ADAMTSL1: variants seen among roughly 807,000 people sequenced by gnomAD.
ADAMTSL1 encodes the protein ADAMTS like 1.
A neutral mutation model predicts 201.8 loss-of-function variants in ADAMTSL1; 126 were observed. That is an observed-to-expected ratio of 0.62 (90% confidence interval 0.54 to 0.72). The LOEUF (loss-of-function observed/expected upper bound fraction) is 0.72. Ranked by LOEUF, ADAMTSL1 falls within the 30% of genes least tolerant of loss-of-function variation. The pLI is 0.00. For synonymous variants in ADAMTSL1, 1,121 were observed against 903.4 expected (o/e 1.24, Z -4.32); for missense variants, 2,679 against 2,277.8 (o/e 1.18, Z -3.59).
In ADAMTSL1 at chr9:18,777,356, G is replaced by C. The variant is rs1821100608; in HGVS notation, c.3127G>C (p.Glu1043Gln). The stretch of plus-strand genomic sequence containing the variant: ...GCCCGGAGAGCTGCTGGCCTCGTGG[G>C]AGGCGCAGGACTCTGCGGAAAGGAA... ...GWPGELLASW[E>Q]AQDSAERNTT... Residue 1043 changes from glutamate (E) to glutamine (Q), a missense_variant, in exon 19 of 29, where the codon GAG (glutamate) becomes CAG (glutamine). By Grantham distance (29) the Glu-to-Gln change is conservative. Coordinates refer to ENST00000380548, the MANE Select transcript of ADAMTSL1 (RefSeq NM_001040272.6). The C allele has an allele frequency of 1.2e-6, 2 of 1,602,458 alleles. No homozygotes were observed. The highest frequency in any genetic ancestry group is 1.7e-6 in the Non-Finnish European group (2 of 1,175,070).
chr9:18,715,915 C>T (rs199700223), intron 14 of ADAMTSL1, among the ~76,000 whole-genome samples: 2 of 150,774 alleles, frequency 1.3e-5, no homozygotes, highest in Non-Finnish European at 3.0e-5. Context: ...CAGAACAGAG[C>T]CCTCAGAAAT....
chr9:18,826,229 C>A, intron 21 of ADAMTSL1, 55 bp from the exon 22 acceptor site: 2 of 1,552,268 alleles, frequency 1.3e-6, no homozygotes, highest in Non-Finnish European at 1.7e-6. Flanking sequence ...TCTGGGCTCA[C>A]CTGAATGTGT....
intron 2 of ADAMTSL1, among the ~76,000 whole-genome samples, chr9:18,383,315 A>T (rs1587029398): frequency 6.6e-6 from 1 of 152,108 alleles, no homozygotes; most frequent in Non-Finnish European, 1.5e-5. Context: ...AGTGGTAAGG[A>T]GAGGACACTG....
intron 2 of ADAMTSL1, among the ~76,000 whole-genome samples, chr9:18,343,751 G>T (rs975957822): frequency 6.6e-6 from 1 of 152,134 alleles, no homozygotes. Context: ...CTTAGAGGAT[G>T]TAATAAACTG....
intron 1 of ADAMTSL1, among the ~76,000 whole-genome samples, chr9:18,144,460 C>A (rs1262544213): frequency 6.6e-6 from 1 of 152,102 alleles, no homozygotes; most frequent in East Asian, 1.9e-4. Context: ...CCCTCCTCGC[C>A]CTTCCAAAGT....
intron 2 of ADAMTSL1, among the ~76,000 whole-genome samples, chr9:18,523,909 T>A (rs10810979): frequency 8.1e-6 from 1 of 123,594 alleles, no homozygotes; most frequent in Non-Finnish European, 1.7e-5. Flanking sequence ...GGCTTAGGAT[T>A]GACTTGGTGA....
rs941325830 is a variant in ADAMTSL1 at position 18,126,399 on chromosome 9, C to G, written c.88-37463C>G. On this transcript the variant is annotated intron_variant, in intron 1 of 29. Coordinates refer to the ADAMTSL1 transcript ENST00000680146. The stretch of plus-strand genomic sequence containing the variant: ...CCAGTATTACCCTCCTCCCGGAAGT[C>G]CTCCTTTATCCTTCTATTTAGGGTC... Among the ~76,000 whole-genome samples the G allele has an allele frequency of 3.9e-5, 6 of 152,270 alleles. No individual in the cohort carries two copies. In the South Asian group the frequency reaches 1.2e-3, roughly 32 times the overall value.
At chr9:18,853,729 A>G (rs1234226410) in intron 23 of ADAMTSL1, among the ~76,000 whole-genome samples, 2 of 152,224 alleles carry the variant, frequency 1.3e-5, no homozygotes, top group Non-Finnish European at 2.9e-5. Flanking sequence ...AAGGCAAGAT[A>G]CGGGTTGGTT....
chr9:18,564,252 T>C (rs1821733650), intron 3 of ADAMTSL1, among the ~76,000 whole-genome samples: 1 of 152,194 alleles, frequency 6.6e-6, no homozygotes, highest in South Asian at 2.1e-4. Context: ...TGGCTTCCTT[T>C]GGGTAGGGAA....
rs1462677028 is a variant in ADAMTSL1, at chr9:18,910,830, A to G, written c.*2282A>G. On this transcript the variant is annotated 3_prime_UTR_variant, in exon 29 of 29. Transcript: ENST00000380548. ...TTTAATGTTTGTTCTGTGAATTGCA[A>G]CTCAGCAGCACCACAAGACAATGAA... 1.3e-5 allele frequency: 2 copies of G among 152,162 alleles called. No homozygotes were observed. The highest frequency in any genetic ancestry group is 2.9e-5 in the Non-Finnish European group (2 of 68,028). The allele number at this position is 152,162 out of a possible 1,614,324, so 9.4% of individuals were successfully genotyped here.
intron 2 of ADAMTSL1, among the ~76,000 whole-genome samples, chr9:18,216,060 C>A (rs1394969739): frequency 6.6e-6 from 1 of 152,160 alleles, no homozygotes; most frequent in African/African-American, 2.4e-5. Context: ...TTTCCAAATT[C>A]ATTTTTAAAT....
chr9:18,489,649 C>T (rs1305877402), intron 1 of ADAMTSL1, among the ~76,000 whole-genome samples: 1 of 152,362 alleles, frequency 6.6e-6, no homozygotes, highest in South Asian at 2.1e-4. Context: ...GTCTTCCACA[C>T]AGACTAGTCA....
chr9:18,724,568 T>C (rs1484195654), intron 15 of ADAMTSL1, among the ~76,000 whole-genome samples: 2 of 152,360 alleles, frequency 1.3e-5, no homozygotes, highest in East Asian at 1.9e-4. Flanking sequence ...TTTTTAAAAA[T>C]AGTCATTTTC....
chr9:18,181,269 A>G (rs534552022), intron 2 of ADAMTSL1, among the ~76,000 whole-genome samples: 1 of 152,348 alleles, frequency 6.6e-6, no homozygotes, highest in South Asian at 2.1e-4. Context: ...TGGCAACAAA[A>G]GCCAAAATTG....
chr9:18,801,395 G>T (rs1364895020), intron 20 of ADAMTSL1, among the ~76,000 whole-genome samples: 1 of 151,964 alleles, frequency 6.6e-6, no homozygotes, highest in South Asian at 2.1e-4. Flanking sequence ...GAACTTTTAG[G>T]TTCAGGGGTT....
At chr9:18,688,625 G>A (rs1830992520) in intron 13 of ADAMTSL1, among the ~76,000 whole-genome samples, 3 of 113,226 alleles carry the variant, frequency 2.6e-5, no homozygotes, top group African/African-American at 6.8e-5. Flanking sequence ...CTGAGATCTT[G>A]CCACCAAACT....
chr9:18,764,375 A>C (rs1344691937), intron 16 of ADAMTSL1, among the ~76,000 whole-genome samples: 2 of 152,216 alleles, frequency 1.3e-5, no homozygotes, highest in East Asian at 1.9e-4. Context: ...TTTCTTTACC[A>C]GTTCTAATAG....
In ADAMTSL1 at chr9:18,737,110, G is replaced by C. The variant is rs551503742; in HGVS notation, c.2006+15445G>C. ...GAGGCAGGTGGGTCACCTGAGGTCA[G>C]AGGTTTGAGACCAGCCTGACCAACA... On this transcript the variant is annotated intron_variant, in intron 15 of 28. Transcript: ENST00000380548. Among the ~76,000 whole-genome samples, 22 of 152,242 alleles carry C rather than the reference G, an allele frequency of 1.4e-4. No individual in the cohort carries two copies. In the East Asian group the frequency reaches 4.3e-3, roughly 29 times the overall value.
intron 15 of ADAMTSL1, among the ~76,000 whole-genome samples, chr9:18,733,464 A>G (rs576026): frequency 0.53 from 80,916 of 151,922 alleles, 22,156 homozygotes; most frequent in African/African-American, 0.68. Context: ...CTGAGTTATT[A>G]GGCAAAAAGC....
Sources: gnomAD v4.1 joint callset for allele counts (sites outside exome capture counted in the v4.1 genomes callset) on GRCh38, gnomAD v4.1.1 for gene constraint, MANE v1.5 for transcripts, NCBI Gene and HGNC (gene_info 2026-07-23, HGNC 2026-07-21) for gene names.